Variants in DCAKD observed in about 807,000 individuals in gnomAD.
The protein encoded by DCAKD is dephospho-CoA kinase domain-containing protein.
DCAKD carries 15 observed loss-of-function variants against 18.7 expected under a neutral mutation model. That is an observed-to-expected ratio of 0.80 (90% confidence interval 0.54 to 1.24). DCAKD has a LOEUF of 1.24. DCAKD is among the 50% of genes most tolerant of loss of function. The pLI, the probability that DCAKD is intolerant of heterozygous loss-of-function variation, is 0.00. For missense variants in DCAKD, 301 were observed against 322.0 expected (o/e 0.93, Z 0.50); for synonymous variants, 130 against 133.0 (o/e 0.98, Z 0.16).
intron 2 of DCAKD, 74 bp from the exon 3 acceptor site, chr17:45,034,464 C>A (rs1200445848): frequency 6.5e-7 from 1 of 1,534,404 alleles, no homozygotes; most frequent in Non-Finnish European, 8.9e-7. Flanking sequence ...TGACCAGGGG[C>A]AAAATGATGG....
chr17:45,061,078 G>C (rs1319478933), exon 1 of DCAKD: 2 of 1,281,984 alleles, frequency 1.6e-6, no homozygotes, highest in Non-Finnish European at 9.9e-7. Context: ...CACCAACCTT[G>C]CGCCCCTTCT....
chr17:45,050,067 G>T (rs2053658688), intron 1 of DCAKD, among the ~76,000 whole-genome samples: 1 of 130,364 alleles, frequency 7.7e-6, no homozygotes, highest in East Asian at 2.4e-4. Context: ...TTGAGAAGGA[G>T]TCTCACTCTC....
At chr17:45,045,037 C>T (rs544563919) in intron 1 of DCAKD, among the ~76,000 whole-genome samples, 1 of 152,116 alleles carries the variant, frequency 6.6e-6, no homozygotes, top group Non-Finnish European at 1.5e-5. Context: ...GTATTTTGGG[C>T]AACAACCTAG....
intron 1 of DCAKD, among the ~76,000 whole-genome samples, chr17:45,060,527 G>A (rs1291771737): frequency 6.6e-6 from 1 of 151,964 alleles, no homozygotes; most frequent in East Asian, 1.9e-4. Context: ...AAAAAAGAAA[G>A]AAAGAAAGAA....
At chr17:45,057,809 G>C (rs1308691572) in intron 1 of DCAKD, among the ~76,000 whole-genome samples, 2 of 150,512 alleles carry the variant, frequency 1.3e-5, no homozygotes, top group Non-Finnish European at 3.0e-5. Context: ...TCAGGAGTTC[G>C]AGACCAGCCT....
upstream of DCAKD, among the ~76,000 whole-genome samples, chr17:45,052,389 AC>A (rs752776826): frequency 4.0e-4 from 59 of 145,970 alleles, no homozygotes; most frequent in Non-Finnish European, 6.0e-4. Flanking sequence ...CAGGGTGGAT[AC>A]TATCATCATC....
At chr17:45,034,502 A>G in intron 2 of DCAKD, 112 bp from the exon 3 acceptor site, 7 of 1,216,488 alleles carry the variant, frequency 5.8e-6, no homozygotes, top group Non-Finnish European at 8.1e-6. Context: ...TTTCAGGTGG[A>G]GCAAAAGCAA....
intron 1 of DCAKD, among the ~76,000 whole-genome samples, chr17:45,043,487 G>A (rs1285274242): frequency 6.6e-6 from 1 of 152,150 alleles, no homozygotes; most frequent in African/African-American, 2.4e-5. Context: ...CCCAGCTGAG[G>A]AGCACGTGTC....
chr17:45,036,495 G>A (rs2053302061), intron 1 of DCAKD, among the ~76,000 whole-genome samples: 1 of 151,992 alleles, frequency 6.6e-6, no homozygotes, highest in African/African-American at 2.4e-5. Context: ...CAGCCTGGGT[G>A]ACAGAGCGAG....
intron 1 of DCAKD, among the ~76,000 whole-genome samples, chr17:45,044,076 G>A (rs2053505402): frequency 6.6e-6 from 1 of 152,130 alleles, no homozygotes. Context: ...CCTTTGAAAT[G>A]CAAGTCAGAT....
intron 2 of DCAKD, 48 bp from the exon 3 acceptor site, chr17:45,034,438 A>T: frequency 1.2e-6 from 2 of 1,600,964 alleles, no homozygotes; most frequent in Non-Finnish European, 1.7e-6. Context: ...CCTCAGGGCC[A>T]GTCAGAGGAC....
chr17:45,053,841 G>A (rs149416618), upstream of DCAKD, among the ~76,000 whole-genome samples: 255 of 152,284 alleles, frequency 1.7e-3, 1 homozygote, highest in African/African-American at 5.8e-3. Flanking sequence ...GGGATTATAG[G>A]CATGAGCCAC....
chr17:45,052,691 T>C, upstream of DCAKD, among the ~76,000 whole-genome samples: 1 of 140,504 alleles, frequency 7.1e-6, no homozygotes, highest in Non-Finnish European at 1.6e-5. Context: ...ACCCCCGATC[T>C]CTACAAAAAA....
chr17:45,048,376 C>T (rs1357383468), intron 1 of DCAKD, among the ~76,000 whole-genome samples: 1 of 152,108 alleles, frequency 6.6e-6, no homozygotes, highest in African/African-American at 2.4e-5. Context: ...GGCATGTTGG[C>T]TCATGCCTGT....
intron 4 of DCAKD, among the ~76,000 whole-genome samples, chr17:45,026,291 G>A (rs1384860807): frequency 1.4e-5 from 2 of 143,582 alleles, no homozygotes; most frequent in East Asian, 2.1e-4. Context: ...GCAGTGGTGC[G>A]ATCTCGGCTC....
intron 1 of DCAKD, among the ~76,000 whole-genome samples, chr17:45,038,905 C>T (rs147053703): frequency 1.0e-3 from 157 of 152,324 alleles, no homozygotes; most frequent in African/African-American, 3.5e-3. Context: ...ACTGACCATC[C>T]ACTGAGCATC....
intron 1 of DCAKD, among the ~76,000 whole-genome samples, chr17:45,056,842 A>C (rs1006081923): frequency 2.0e-5 from 3 of 148,044 alleles, no homozygotes; most frequent in African/African-American, 7.6e-5. Context: ...ATCTCCGCTC[A>C]CTGCAAGCTC....
chr17:45,046,359 T>C (rs1420011680), intron 1 of DCAKD, among the ~76,000 whole-genome samples: 2 of 152,106 alleles, frequency 1.3e-5, no homozygotes, highest in African/African-American at 4.8e-5. Context: ...CACGCCTGCC[T>C]GTAATCCCAG....
chr17:45,054,668 C>T (rs1381939943), upstream of DCAKD, among the ~76,000 whole-genome samples: 1 of 152,178 alleles, frequency 6.6e-6, no homozygotes, highest in African/African-American at 2.4e-5. Flanking sequence ...TTTATAGAGC[C>T]AGATTTAATG....
Sources: gnomAD v4.1 joint callset for allele counts (sites outside exome capture counted in the v4.1 genomes callset) on GRCh38, gnomAD v4.1.1 for gene constraint, MANE v1.5 for transcripts, NCBI Gene and HGNC (gene_info 2026-07-23, HGNC 2026-07-21) for gene names.